Variants in BRK1 observed in about 807,000 individuals in gnomAD.
BRK1 encodes the protein BRICK1 subunit of SCAR/WAVE actin nucleating complex.
BRK1 carries 6 observed loss-of-function variants against 9.9 expected under a neutral mutation model. The ratio of observed to expected loss-of-function variants is 0.60; its 90% CI spans 0.33 to 1.19. BRK1 has a LOEUF of 1.19. Ranked by LOEUF, BRK1 falls within the 50% of genes most tolerant of loss-of-function variation. The pLI is 0.04. For missense variants in BRK1, 62 were observed against 97.5 expected (o/e 0.64, Z 1.53); for synonymous variants, 44 against 31.9 (o/e 1.38, Z -1.28).
At chr3:10,125,049 C>T (rs895753744) in intron 1 of BRK1, among the ~76,000 whole-genome samples, 1 of 152,138 alleles carries the variant, frequency 6.6e-6, no homozygotes, top group African/African-American at 2.4e-5. Flanking sequence ...TTAATCATAC[C>T]TGCAAAGCCC....
Position 10,125,737 on chromosome 3 carries a change from A to G in BRK1, c.201+29A>G. 3 of 1,475,912 alleles carry G rather than the reference A, an allele frequency of 2.0e-6. No homozygotes were observed. In the South Asian group the frequency reaches 3.5e-5, roughly 17 times the overall value. 91.4% of individuals were successfully genotyped at this position (1,475,912 alleles called of 1,614,324 possible). A position where few individuals can be genotyped will look rare whatever the true frequency, so the allele number is the denominator to read the frequency against. On this transcript the variant is annotated intron_variant, in intron 2 of 2. Coordinates refer to ENST00000530758, the MANE Select transcript of BRK1 (RefSeq NM_018462.5). ...AGTTTGATGGGCAAGGGCATTCCAG[A>G]GAGAATGCACATTTCCACTTATTGC...
chr3:10,124,127 C>G (rs1695803349), intron 1 of BRK1, among the ~76,000 whole-genome samples: 2 of 151,988 alleles, frequency 1.3e-5, no homozygotes, highest in African/African-American at 2.4e-5. Context: ...GCTGTACAGC[C>G]TTGGTGTATT....
chr3:10,123,581 C>T (rs1353814063), intron 1 of BRK1, among the ~76,000 whole-genome samples: 2 of 127,070 alleles, frequency 1.6e-5, no homozygotes, highest in African/African-American at 3.1e-5. Flanking sequence ...ATTACAGGCG[C>T]CCGCCACCAC....
chr3:10,123,442 T>TC, intron 1 of BRK1, among the ~76,000 whole-genome samples: 1 of 150,338 alleles, frequency 6.7e-6, no homozygotes, highest in East Asian at 1.9e-4. Context: ...TCTTTCCTTT[T>TC]TTTTTTTTTT....
Position 10,123,641 on chromosome 3 carries a change from A to G in BRK1, c.119-1985A>G, listed in dbSNP as rs13085505. Among the ~76,000 whole-genome samples, 137,062 of 137,174 alleles carry G rather than the reference A, an allele frequency of 1. 68,475 individuals are homozygous for G. Among genetic ancestry groups the G allele is most frequent in the Middle Eastern group, 1 (280 of 280 alleles). The allele number at this position is 137,174 out of a possible 152,430, so 90.0% of individuals were successfully genotyped here. On this transcript the variant is annotated intron_variant, in intron 1 of 2. Coordinates refer to ENST00000530758, the MANE Select transcript of BRK1 (RefSeq NM_018462.5). ...AATAGAGACGGGGTTTCATTGTGTT[A>G]GCCAGGATGGTCTCCATCTCCTGAC... is the stretch of plus-strand genomic sequence containing the variant.
intron 1 of BRK1, among the ~76,000 whole-genome samples, chr3:10,123,740 T>TTTG (rs1695797111): frequency 8.4e-6 from 1 of 119,668 alleles, no homozygotes; most frequent in Non-Finnish European, 1.7e-5. Flanking sequence ...GCCTTTTTTT[T>TTTG]TTTTTTTTTT....
intron 1 of BRK1, among the ~76,000 whole-genome samples, chr3:10,116,686 A>G (rs1335814797): frequency 6.6e-6 from 1 of 152,170 alleles, no homozygotes; most frequent in Non-Finnish European, 1.5e-5. Context: ...CTTTGGAAAG[A>G]TTTTTAAATG....
chr3:10,125,727 G>A lies in BRK1; in HGVS notation c.201+19G>A, dbSNP rs773043719. The A allele has an allele frequency of 4.5e-6, 7 of 1,555,782 alleles. No individual in the cohort carries two copies. Among genetic ancestry groups the A allele is most frequent in the Non-Finnish European group, 6.2e-6 (7 of 1,132,940 alleles). ...AGCTCGGGTGAGTTTGATGGGCAAG[G>A]GCATTCCAGAGAGAATGCACATTTC... is the stretch of plus-strand genomic sequence containing the variant. On this transcript the variant is annotated intron_variant, in intron 2 of 2. Coordinates refer to ENST00000530758, the MANE Select transcript of BRK1 (RefSeq NM_018462.5).
rs1247560079 is a variant in BRK1, at chr3:10,123,459, G to A, written c.119-2167G>A. ...TTTCCTTTTTTTTTTTTTTTGAGACGGAGTCTCACTCTGTTTCCCAGGCTG... is the reference window on the plus strand; with the variant it reads ...TTTCCTTTTTTTTTTTTTTTGAGACAGAGTCTCACTCTGTTTCCCAGGCTG... On this transcript the variant is annotated intron_variant, in intron 1 of 2. Transcript: ENST00000530758. Among the ~76,000 whole-genome samples, 8 of 109,536 alleles carry A rather than the reference G, an allele frequency of 7.3e-5. No homozygotes were observed. In the East Asian group the frequency reaches 8.3e-4, roughly 11 times the overall value. 71.9% of individuals were successfully genotyped at this position (109,536 alleles called of 152,430 possible). A position where few individuals can be genotyped will look rare whatever the true frequency, so the allele number is the denominator to read the frequency against.
At position 10,126,298 on chromosome 3, in the gene BRK1, C is replaced by T; in HGVS notation, c.*3C>T. The T allele has an allele frequency of 1.3e-6, 2 of 1,577,646 alleles. No individual in the cohort carries two copies. The highest frequency in any genetic ancestry group is 1.7e-6 in the Non-Finnish European group (2 of 1,161,758). On this transcript the variant is annotated 3_prime_UTR_variant, in exon 3 of 3. Transcript: ENST00000530758. Reference sequence around the variant, plus strand: ...CAAAAGGTGAGACACTCACCTAGAACAGTGCCGTGCTGCTGCTGGGAAGTT... The same window carrying T: ...CAAAAGGTGAGACACTCACCTAGAATAGTGCCGTGCTGCTGCTGGGAAGTT...
At position 10,123,651 on chromosome 3, in the gene BRK1, GTC is replaced by G. The variant is rs1553618012; in HGVS notation, c.119-1972_119-1971del. On this transcript the variant is annotated intron_variant, in intron 1 of 2. Transcript: ENST00000530758. ...GGGTTTCATTGTGTTAGCCAGGATG[GTC>G]TCCATCTCCTGACCTCGTGATCCAC... 1 allele frequency among the ~76,000 whole-genome samples: 134,391 copies of G among 134,732 alleles called. 67,141 individuals carry two copies. Among genetic ancestry groups the G allele is most frequent in the African/African-American group, 1 (33,538 of 33,596 alleles). 88.4% of individuals were successfully genotyped at this position (134,732 alleles called of 152,430 possible).
In BRK1 at chr3:10,126,128, T is replaced by G. The variant is rs1020961972; in HGVS notation, c.202-141T>G. ...GAAGAGAAAAGTTAAGCATGTTGCC[T>G]GGATTTGAACCATGTTTCTGTGACT... On this transcript the variant is annotated intron_variant, in intron 2 of 2. Coordinates refer to ENST00000530758, the MANE Select transcript of BRK1 (RefSeq NM_018462.5). 3 of 600,764 alleles carry G rather than the reference T, an allele frequency of 5.0e-6. No homozygotes were observed. The Admixed American group carries it at 1.1e-4, about 22-fold the overall frequency. 37.2% of individuals were successfully genotyped at this position (600,764 alleles called of 1,614,324 possible). A position where few individuals can be genotyped will look rare whatever the true frequency, so the allele number is the denominator to read the frequency against.
rs1177201640 is a variant in BRK1, at chr3:10,126,606, C to A, written c.*311C>A. On this transcript the variant is annotated 3_prime_UTR_variant, in exon 3 of 3. Transcript: ENST00000530758. ...CCTGGGACTCTTTGTGAAGGTCCTC[C>A]TCACCTCTATCTTTCTTTCTCTCTC... 3.2e-6 allele frequency: 1 copy of A among 317,252 alleles called. No individual in the cohort carries two copies. The highest frequency in any genetic ancestry group is 4.7e-5 in the Admixed American group (1 of 21,128). 19.7% of individuals were successfully genotyped at this position (317,252 alleles called of 1,614,324 possible). A position where few individuals can be genotyped will look rare whatever the true frequency, so the allele number is the denominator to read the frequency against.
At chr3:10,120,631 C>A (rs1359653251) in intron 1 of BRK1, among the ~76,000 whole-genome samples, 1 of 152,208 alleles carries the variant, frequency 6.6e-6, no homozygotes, top group Non-Finnish European at 1.5e-5. Context: ...CATACTTGTG[C>A]TCTGGTTTCA....
chr3:10,123,950 G>C (rs989170617), intron 1 of BRK1, among the ~76,000 whole-genome samples: 1 of 150,674 alleles, frequency 6.6e-6, no homozygotes, highest in African/African-American at 2.4e-5. Flanking sequence ...AGCCAGGCTG[G>C]TCTCAAACTT....
At chr3:10,126,066 G>T (rs1695835361) in intron 2 of BRK1, among the ~76,000 whole-genome samples, 1 of 152,190 alleles carries the variant, frequency 6.6e-6, no homozygotes, top group African/African-American at 2.4e-5. Context: ...ACTCCAGCCT[G>T]GGTGGCAGAG....
intron 1 of BRK1, 46 bp from the exon 2 acceptor site, chr3:10,125,578 CTG>C (rs1209077973): frequency 2.6e-6 from 3 of 1,154,480 alleles, no homozygotes; most frequent in African/African-American, 1.5e-5. Flanking sequence ...GTGTCTGTGT[CTG>C]TGTTTGGAGT....
chr3:10,120,053 A>G (rs1185330448), intron 1 of BRK1, among the ~76,000 whole-genome samples: 4 of 151,870 alleles, frequency 2.6e-5, no homozygotes, highest in Non-Finnish European at 5.9e-5. Flanking sequence ...TTTTTGAGAC[A>G]GAGTCTCATT....
chr3:10,115,905 C>A, intron 1 of BRK1, 86 bp downstream of exon 1: 1 of 1,032,110 alleles, frequency 9.7e-7, no homozygotes, highest in South Asian at 1.3e-5. Context: ...TTTGAGAGGA[C>A]TCCCGCAGCC....
Sources: allele counts gnomAD v4.1 joint callset (sites outside exome capture counted in the v4.1 genomes callset), GRCh38; gene constraint gnomAD v4.1.1; transcripts MANE v1.5; gene names NCBI Gene and HGNC (gene_info 2026-07-23, HGNC 2026-07-21).